NUCB2: variants seen among roughly 807,000 people sequenced by gnomAD.
NUCB2 encodes the protein nucleobindin 2.
NUCB2 carries 48 observed loss-of-function variants against 57.9 expected under a neutral mutation model. The ratio of observed to expected loss-of-function variants is 0.83; its 90% CI spans 0.66 to 1.05. The LOEUF (loss-of-function observed/expected upper bound fraction) is 1.05. Among genes scored for constraint, NUCB2 ranks in the 50% least tolerant of loss-of-function variants. The pLI is 0.00. For missense variants in NUCB2, 442 were observed against 476.2 expected (o/e 0.93, Z 0.67); for synonymous variants, 139 against 152.1 (o/e 0.91, Z 0.64).
At position 17,330,846 on chromosome 11, in the gene NUCB2, C is replaced by A; in HGVS notation, c.1174-56C>A. Reference sequence around the variant, plus strand: ...TACTTTGTTGTGCTTTGTCAAAGGTCACACATATGATAGAAAATCAAGTTA... The same window carrying A: ...TACTTTGTTGTGCTTTGTCAAAGGTAACACATATGATAGAAAATCAAGTTA... On this transcript the variant is annotated intron_variant, in intron 12 of 13. Coordinates refer to ENST00000529010, the MANE Select transcript of NUCB2 (RefSeq NM_005013.4). This position sits in a 1 kb window ranked among gnomAD's most constrained non-coding sequence, Gnocchi z 4.3. 1.0e-6 allele frequency: 1 copy of A among 993,032 alleles called. No homozygotes were observed. Among genetic ancestry groups the A allele is most frequent in the South Asian group, 1.3e-5 (1 of 76,858 alleles). The allele number at this position is 993,032 out of a possible 1,614,324, so 61.5% of individuals were successfully genotyped here.
chr11:17,318,059 G>A (rs550196989), intron 11 of NUCB2, among the ~76,000 whole-genome samples: 2 of 148,136 alleles, frequency 1.4e-5, no homozygotes, highest in South Asian at 2.1e-4. Context: ...GTACACTGAC[G>A]TGATCTTGGC....
intron 11 of NUCB2, among the ~76,000 whole-genome samples, chr11:17,328,268 A>G (rs953218151): frequency 2.3e-4 from 35 of 152,180 alleles, no homozygotes; most frequent in African/African-American, 7.7e-4. Flanking sequence ...GTGCTGAGCC[A>G]CCTGGAACTG....
chr11:17,315,737 T>C (rs1282677468), intron 11 of NUCB2, among the ~76,000 whole-genome samples: 1 of 152,184 alleles, frequency 6.6e-6, no homozygotes, highest in Non-Finnish European at 1.5e-5. Context: ...GGATTCGTTA[T>C]TGAAAATTAG....
At chr11:17,297,546 T>C (rs1946026562) in intron 4 of NUCB2, among the ~76,000 whole-genome samples, 1 of 152,218 alleles carries the variant, frequency 6.6e-6, no homozygotes, top group Non-Finnish European at 1.5e-5. Context: ...AAGTTTCCTA[T>C]GGTGAATATA....
chr11:17,330,280 A>C lies in NUCB2; in HGVS notation c.1156A>C (p.Lys386Gln). Residue 386 changes from lysine to glutamine, a missense_variant, in exon 12 of 14, where the codon AAG becomes CAG. Physicochemically the swap from Lys to Gln is moderately conservative, Grantham distance 53 (BLOSUM62 1). Coordinates refer to ENST00000529010, the MANE Select transcript of NUCB2 (RefSeq NM_005013.4). This position sits in a 1 kb window ranked among gnomAD's most constrained non-coding sequence, Gnocchi z 4.3. ...QRQHDQLEAQ[K>Q]LEYHQVIQQM... ...TCAGCATGATCAACTGGAGGCTCAG[A>C]AGCTGGAATATCATCAGGTGGCATT... 1 of 1,598,640 alleles carries C rather than the reference A, an allele frequency of 6.3e-7. No individual in the cohort carries two copies. The highest frequency in any genetic ancestry group is 1.2e-5 in the South Asian group (1 of 86,844).
At position 17,327,430 on chromosome 11, in the gene NUCB2, T is replaced by C. The variant is rs574186841; in HGVS notation, c.1003-2697T>C. 3.3e-5 allele frequency among the ~76,000 whole-genome samples: 5 copies of C among 152,310 alleles called. No homozygotes were observed. The South Asian group carries it at 1.0e-3, about 32-fold the overall frequency. On this transcript the variant is annotated intron_variant, in intron 11 of 13. Transcript: ENST00000529010. ...ATGCCATGAGGTAGTCTGACGTGAG[T>C]TAAATCTGCTTGGTGTTCTATAACC...
chr11:17,340,924 T>A (rs1312560046), intron 2 of NUCB2, among the ~76,000 whole-genome samples: 8 of 152,218 alleles, frequency 5.3e-5, no homozygotes, highest in Admixed American at 4.6e-4. Context: ...GTATGGCCAT[T>A]TTCACAATAT....
In NUCB2 at chr11:17,311,878, A is replaced by C. The variant is rs748896954; in HGVS notation, c.767A>C (p.Asn256Thr). 1.5e-5 allele frequency: 24 copies of C among 1,586,998 alleles called. No homozygotes were observed. The highest frequency in any genetic ancestry group is 3.5e-5 in the Admixed American group (2 of 57,342). Residue 256 changes from asparagine to threonine, a missense_variant, in exon 9 of 14, where the codon AAT becomes ACT. Physicochemically the swap from Asn to Thr is moderately conservative, Grantham distance 65. Coordinates refer to ENST00000529010, the MANE Select transcript of NUCB2 (RefSeq NM_005013.4). ...TGTAACTTTTAAACTTTAGATGTCA[A>C]TAGTGATGGATTCCTGGATGAACAA... The part of the protein sequence containing the change: ...PKTFFKLHDV[N>T]SDGFLDEQEL...
chr11:17,284,948 C>T (rs1943372160), intron 2 of NUCB2, among the ~76,000 whole-genome samples: 1 of 152,110 alleles, frequency 6.6e-6, no homozygotes, highest in African/African-American at 2.4e-5. Context: ...AGCATAGTAT[C>T]TGGTACCATA....
intron 2 of NUCB2, among the ~76,000 whole-genome samples, chr11:17,346,767 C>T (rs533907709): frequency 6.6e-6 from 1 of 152,280 alleles, no homozygotes; most frequent in Admixed American, 6.5e-5. Flanking sequence ...GTATTACAAT[C>T]AGGAAATTAA....
intron 8 of NUCB2, 21 bp downstream of exon 8, chr11:17,311,304 T>G: frequency 6.8e-7 from 1 of 1,473,566 alleles, no homozygotes. Context: ...GATACAAATA[T>G]TAATATTTAT....
rs577928777 is a variant in NUCB2, at chr11:17,345,512, G to T, written n.2627-3833G>T. ...TCACGAGGTCAGGTGTTAAAGACCA[G>T]CCTGGCCAAGATGGTGAAACCCCAT... On this transcript the variant is annotated intron_variant and non_coding_transcript_variant, in intron 2 of 2. Coordinates refer to the NUCB2 transcript ENST00000532240. Among the ~76,000 whole-genome samples the T allele has an allele frequency of 5.9e-5, 9 of 152,264 alleles. No homozygotes were observed. The East Asian group carries it at 1.3e-3, about 23-fold the overall frequency.
intron 1 of NUCB2, among the ~76,000 whole-genome samples, chr11:17,278,832 T>C (rs1941926476): frequency 6.6e-6 from 1 of 152,226 alleles, no homozygotes; most frequent in South Asian, 2.1e-4. Context: ...GGCTGGGTTC[T>C]ACAAAATACC....
chr11:17,277,484 G>C (rs1032509462), intron 1 of NUCB2, among the ~76,000 whole-genome samples: 24 of 152,062 alleles, frequency 1.6e-4, no homozygotes, highest in African/African-American at 5.6e-4. Context: ...GTATCAAATG[G>C]CTGGGAGAGG....
At chr11:17,348,804 G>T (rs1252147247) in intron 2 of NUCB2, among the ~76,000 whole-genome samples, 1 of 151,076 alleles carries the variant, frequency 6.6e-6, no homozygotes, top group Non-Finnish European at 1.5e-5. Context: ...TTGAGACAGA[G>T]TCTTACACTT....
At chr11:17,295,632 A>G (rs1026428929) in intron 3 of NUCB2, 165 bp downstream of exon 3, 1 of 609,154 alleles carries the variant, frequency 1.6e-6, no homozygotes, top group Non-Finnish European at 2.8e-6. Context: ...ACACTTGGGA[A>G]CTATTTCTGA....
chr11:17,301,044 C>A (rs1218494521), intron 4 of NUCB2, among the ~76,000 whole-genome samples: 3 of 137,618 alleles, frequency 2.2e-5, no homozygotes, highest in Non-Finnish European at 4.5e-5. Context: ...ATGATCTTGG[C>A]GCACTGCAAC....
intron 3 of NUCB2, among the ~76,000 whole-genome samples, 183 bp from the exon 4 acceptor site, chr11:17,295,921 G>T (rs987950594): frequency 2.6e-5 from 4 of 152,154 alleles, no homozygotes; most frequent in African/African-American, 9.7e-5. Context: ...AACAATAAAA[G>T]ATGATATTGG....
chr11:17,303,126 AGT>A (rs1947042524), intron 5 of NUCB2, among the ~76,000 whole-genome samples: 1 of 152,128 alleles, frequency 6.6e-6, no homozygotes, highest in South Asian at 2.1e-4. Flanking sequence ...AGTAATCCTG[AGT>A]TGCTAGGATT....
Sources: allele counts gnomAD v4.1 joint callset (sites outside exome capture counted in the v4.1 genomes callset), GRCh38; gene constraint gnomAD v4.1.1; non-coding constraint Gnocchi (gnomAD v3.1); transcripts MANE v1.5; gene names NCBI Gene and HGNC (gene_info 2026-07-23, HGNC 2026-07-21).